Variants in MICU3 observed in about 807,000 individuals in gnomAD.
MICU3 encodes mitochondrial calcium uptake 3, also known as calcium uptake protein 3, mitochondrial.
A neutral mutation model predicts 66.5 loss-of-function variants in MICU3; 62 were observed. That is an observed-to-expected ratio of 0.93 (90% CI 0.76 to 1.15). The LOEUF (loss-of-function observed/expected upper bound fraction) is 1.15. MICU3 is among the 50% of genes most tolerant of loss of function. The pLI is 0.00. For synonymous variants in MICU3, 308 were observed against 240.7 expected (o/e 1.28, Z -2.59); for missense variants, 779 against 664.4 (o/e 1.17, Z -1.90).
chr8:17,072,686 A>T (rs1819776480), intron 3 of MICU3, among the ~76,000 whole-genome samples: 1 of 152,060 alleles, frequency 6.6e-6, no homozygotes, highest in African/African-American at 2.4e-5. Flanking sequence ...AATAAGAAAA[A>T]AATAGACAAA....
chr8:17,077,744 T>C (rs1459195003), intron 3 of MICU3, 39 bp from the exon 4 acceptor site: 2 of 1,375,968 alleles, frequency 1.5e-6, no homozygotes, highest in Middle Eastern at 1.9e-4. Flanking sequence ...TATTAGTAAG[T>C]TGTTTACCAA....
chr8:17,093,917 T>C (rs892370187), intron 8 of MICU3, among the ~76,000 whole-genome samples: 3 of 151,986 alleles, frequency 2.0e-5, no homozygotes, highest in African/African-American at 7.2e-5. Flanking sequence ...ATAAAATAAA[T>C]AATGATAAAA....
At chr8:17,109,412 C>G (rs1802010341) in intron 11 of MICU3, among the ~76,000 whole-genome samples, 1 of 152,012 alleles carries the variant, frequency 6.6e-6, no homozygotes, top group Non-Finnish European at 1.5e-5. Context: ...TAGCAACAGG[C>G]TGGAAATGGC....
At chr8:17,048,139 G>A (rs529022970) in intron 1 of MICU3, among the ~76,000 whole-genome samples, 17 of 152,064 alleles carry the variant, frequency 1.1e-4, no homozygotes, top group African/African-American at 2.4e-4. Flanking sequence ...TATATGTTTC[G>A]ATGTTCGAAA....
chr8:17,072,998 C>A (rs2150684750), intron 3 of MICU3, among the ~76,000 whole-genome samples: 1 of 151,976 alleles, frequency 6.6e-6, no homozygotes, highest in Non-Finnish European at 1.5e-5. Flanking sequence ...TCAAGTGATC[C>A]CCCTACCTCA....
intron 4 of MICU3, among the ~76,000 whole-genome samples, chr8:17,079,494 G>A (rs1481725128): frequency 6.6e-6 from 1 of 151,946 alleles, no homozygotes; most frequent in Non-Finnish European, 1.5e-5. Context: ...GAAATTTTAA[G>A]ACTAAATCTT....
chr8:17,075,463 C>G (rs1011030976), intron 3 of MICU3, among the ~76,000 whole-genome samples: 1 of 152,162 alleles, frequency 6.6e-6, no homozygotes, highest in African/African-American at 2.4e-5. Context: ...GATTTAGAGT[C>G]TGCTTCCTAG....
intron 1 of MICU3, among the ~76,000 whole-genome samples, chr8:17,032,787 G>A (rs1426611826): frequency 6.6e-6 from 1 of 152,160 alleles, no homozygotes. Flanking sequence ...ACAGTGAATT[G>A]AGCAAATCAG....
intron 11 of MICU3, among the ~76,000 whole-genome samples, chr8:17,106,668 C>T (rs1438415456): frequency 6.6e-6 from 1 of 151,540 alleles, no homozygotes; most frequent in African/African-American, 2.4e-5. Context: ...ATCTTAAGCA[C>T]CACAAATGAT....
At position 17,027,624 on chromosome 8, in the gene MICU3, G is replaced by C. The variant is rs905735019; in HGVS notation, c.345G>C (p.Gly115=). ...CCGAGGACCCGCCCCGCGGCCGGGG[G>C]ATGCTGCCCATCCCAGTGGCGGCTG... ...TEPEDPPRGR[G]MLPIPVAAAK... Residue 115 remains glycine (G), a synonymous_variant, in exon 1 of 15, where the codon GGG becomes GGC. Coordinates refer to ENST00000318063, the MANE Select transcript of MICU3 (RefSeq NM_181723.3). The C allele has an allele frequency of 1.5e-5, 19 of 1,309,974 alleles. No individual in the cohort carries two copies. The African/African-American group carries it at 1.7e-4, about 12-fold the overall frequency. 81.1% of individuals were successfully genotyped at this position (1,309,974 alleles called of 1,614,324 possible).
chr8:17,099,626 C>A (rs1563377884), intron 9 of MICU3, among the ~76,000 whole-genome samples: 2 of 151,662 alleles, frequency 1.3e-5, no homozygotes, highest in African/African-American at 2.4e-5. Context: ...TTAAAATTAC[C>A]TTTTCAATAT....
At chr8:17,055,303 G>A (rs976255661) in intron 1 of MICU3, among the ~76,000 whole-genome samples, 2 of 152,132 alleles carry the variant, frequency 1.3e-5, no homozygotes, top group African/African-American at 4.8e-5. Flanking sequence ...CTCCCATGAG[G>A]CTTTTAATTT....
chr8:17,086,075 G>C (rs1799436814), intron 6 of MICU3, among the ~76,000 whole-genome samples: 1 of 151,808 alleles, frequency 6.6e-6, no homozygotes, highest in Non-Finnish European at 1.5e-5. Context: ...TACACTCTCC[G>C]AGTAAAAAGA....
chr8:17,099,679 A>C (rs1470483270), intron 9 of MICU3, among the ~76,000 whole-genome samples: 2 of 151,846 alleles, frequency 1.3e-5, no homozygotes, highest in East Asian at 3.9e-4. Flanking sequence ...CCCTTTACAG[A>C]TATTTTAGAA....
intron 5 of MICU3, among the ~76,000 whole-genome samples, chr8:17,083,768 T>A (rs1387792196): frequency 5.3e-5 from 8 of 152,092 alleles, no homozygotes; most frequent in Non-Finnish European, 2.9e-5. Flanking sequence ...ATCCTGAGAA[T>A]GAGAGAGGGT....
intron 9 of MICU3, among the ~76,000 whole-genome samples, chr8:17,103,100 T>C (rs965407001): frequency 1.3e-5 from 2 of 151,962 alleles, no homozygotes; most frequent in African/African-American, 4.8e-5. Context: ...CAGATTTTAA[T>C]GCATTAAAAG....
At chr8:17,134,415 C>G in the MICU3 span, among the ~76,000 whole-genome samples, 1 of 150,102 alleles carries the variant, frequency 6.7e-6, no homozygotes, top group East Asian at 2.0e-4. Flanking sequence ...TTGTCTTACT[C>G]AGAAGAAAGT....
At chr8:17,119,566 T>TAGATAGAG (rs1352880964) in intron 14 of MICU3, among the ~76,000 whole-genome samples, 1 of 151,968 alleles carries the variant, frequency 6.6e-6, no homozygotes, top group Non-Finnish European at 1.5e-5. Context: ...GATAGATAGA[T>TAGATAGAG]AGATAGATAG....
At chr8:17,117,169 G>A (rs533500145) in intron 13 of MICU3, among the ~76,000 whole-genome samples, 3 of 152,042 alleles carry the variant, frequency 2.0e-5, no homozygotes, top group African/African-American at 4.8e-5. Flanking sequence ...TACTAGCAAC[G>A]AGGTCACTCT....
Sources: gnomAD v4.1 joint callset for allele counts (sites outside exome capture counted in the v4.1 genomes callset) on GRCh38, gnomAD v4.1.1 for gene constraint, MANE v1.5 for transcripts, NCBI Gene and HGNC (gene_info 2026-07-23, HGNC 2026-07-21) for gene names.